MAP4: variants seen among roughly 807,000 people sequenced by gnomAD.
The protein encoded by MAP4 is microtubule-associated protein 4.
In MAP4, 76 loss-of-function variants were observed where a neutral mutation model predicts 170.2. That is an observed-to-expected ratio of 0.45 (90% confidence interval 0.37 to 0.54). The LOEUF (loss-of-function observed/expected upper bound fraction) is 0.54. Ranked by LOEUF, MAP4 falls within the 20% of genes least tolerant of loss-of-function variation. The pLI, the probability that MAP4 is intolerant of heterozygous loss-of-function variation, is 0.00. For missense variants in MAP4, 2,506 were observed against 2,748.0 expected, an observed-to-expected ratio of 0.91 and a Z score of 1.97; for synonymous variants, 909 against 994.5, an observed-to-expected ratio of 0.91 and a Z score of 1.62.
intron 1 of MAP4, among the ~76,000 whole-genome samples, chr3:48,037,479 G>A (rs1282379539): frequency 3.3e-5 from 5 of 152,082 alleles, no homozygotes; most frequent in Middle Eastern, 3.4e-3. Context: ...CTGCAGCCTC[G>A]ATCTCCTGAG....
Position 47,914,773 on chromosome 3 carries a change from C to T in MAP4, c.1999+44G>A, listed in dbSNP as rs1462376765. 3 of 1,612,112 alleles carry T rather than the reference C, an allele frequency of 1.9e-6. No homozygotes were observed. The South Asian group carries it at 3.3e-5, about 18-fold the overall frequency. On this transcript the variant is annotated intron_variant, in intron 8 of 20. Coordinates refer to ENST00000683076, the MANE Select transcript of MAP4 (RefSeq NM_001385682.1). ...AATGTCTACCATCACTACTCTATCG[C>T]CCCTAATTTGTTTCAAAGAGTTCAT...
chr3:47,924,983 TG>T (rs1319522686), intron 4 of MAP4, among the ~76,000 whole-genome samples: 3 of 152,100 alleles, frequency 2.0e-5, no homozygotes, highest in African/African-American at 7.2e-5. Flanking sequence ...GCTAATTTTT[TG>T]TATTTTTAGG....
At chr3:48,051,092 C>CCACACACACA (rs145028487) in intron 1 of MAP4, among the ~76,000 whole-genome samples, 101 of 144,018 alleles carry the variant, frequency 7.0e-4, no homozygotes, top group Non-Finnish European at 1.0e-3. Context: ...CATTCAATTT[C>CCACACACACA]CACACACACA....
At position 47,911,945 on chromosome 3, in the gene MAP4, C is replaced by T. The variant is rs1481572610; in HGVS notation, c.2476G>A (p.Val826Ile). The T allele has an allele frequency of 2.6e-6, 4 of 1,536,102 alleles. No homozygotes were observed. The highest frequency in any genetic ancestry group is 1.2e-5 in the South Asian group (1 of 84,056). Residue 826 changes from valine to isoleucine, a missense_variant, in exon 9 of 21, where the codon GTA becomes ATA. Physicochemically the swap from Val to Ile is conservative, Grantham distance 29. Transcript: ENST00000683076. This position sits in a 1 kb window ranked among gnomAD's most constrained non-coding sequence, Gnocchi z 4.0. The part of the protein sequence containing the change: ...PTTMGTEYGL[V>I]SGENLKRECL... ...TCCCTTTTCAAGTTTTCTCCAGATA[C>T]AAGTCCATATTCTGTACCCATAGTG...
At chr3:48,088,726 T>C (rs1342851111) in intron 1 of MAP4, 1 of 151,902 alleles carries the variant, frequency 6.6e-6, no homozygotes, top group East Asian at 1.9e-4. Context: ...CCCGGGACAG[T>C]GAGGAGGCCG....
At chr3:48,087,228 T>C (rs1046084317) in intron 1 of MAP4, among the ~76,000 whole-genome samples, 4 of 152,062 alleles carry the variant, frequency 2.6e-5, no homozygotes, top group African/African-American at 9.7e-5. Flanking sequence ...ATCTTTGGAG[T>C]TGAGAAAAGC....
intron 3 of MAP4, among the ~76,000 whole-genome samples, chr3:47,947,786 G>A (rs558163552): frequency 3.4e-5 from 5 of 147,378 alleles, no homozygotes; most frequent in Admixed American, 6.8e-5. Context: ...ACTCCAGCCT[G>A]GGCGACAGAG....
chr3:48,062,022 G>C (rs1327153583), intron 1 of MAP4, among the ~76,000 whole-genome samples: 1 of 152,220 alleles, frequency 6.6e-6, no homozygotes, highest in Non-Finnish European at 1.5e-5. Flanking sequence ...ACTGGGAACG[G>C]GCCATGATGA....
At chr3:47,877,649 G>A (rs2095786294) in intron 10 of MAP4, 126 bp from the exon 11 acceptor site, 1 of 607,762 alleles carries the variant, frequency 1.6e-6, no homozygotes, top group Admixed American at 3.0e-5. Flanking sequence ...CCACAGGGTT[G>A]TGCTGCTGAA....
At chr3:47,983,421 C>T (rs1044592109) in intron 2 of MAP4, among the ~76,000 whole-genome samples, 2 of 152,074 alleles carry the variant, frequency 1.3e-5, no homozygotes, top group Non-Finnish European at 2.9e-5. Context: ...GAGTCTCCCT[C>T]TGTCACCCAG....
chr3:47,994,139 T>A (rs1426056455), intron 2 of MAP4, among the ~76,000 whole-genome samples: 1 of 152,156 alleles, frequency 6.6e-6, no homozygotes, highest in Non-Finnish European at 1.5e-5. Context: ...CTTCATTTCT[T>A]CATTTTTCTT....
chr3:48,067,823 A>G (rs928625750), intron 1 of MAP4, among the ~76,000 whole-genome samples: 2 of 152,024 alleles, frequency 1.3e-5, no homozygotes, highest in Admixed American at 1.3e-4. Context: ...TATTTTTAGT[A>G]GAGATGGGGT....
chr3:48,019,468 G>A (rs1274307065), upstream of MAP4, among the ~76,000 whole-genome samples: 1 of 152,124 alleles, frequency 6.6e-6, no homozygotes, highest in Non-Finnish European at 1.5e-5. Flanking sequence ...TCATATATCT[G>A]TCAGAAAGTA....
chr3:48,065,928 G>A (rs1165101401), intron 1 of MAP4, among the ~76,000 whole-genome samples: 1 of 151,858 alleles, frequency 6.6e-6, no homozygotes, highest in African/African-American at 2.4e-5. Flanking sequence ...AGACAAGCAT[G>A]GGCAACATAG....
chr3:47,928,509 G>A (rs974856503), intron 3 of MAP4, among the ~76,000 whole-genome samples, 159 bp from the exon 4 acceptor site: 1 of 152,132 alleles, frequency 6.6e-6, no homozygotes, highest in Non-Finnish European at 1.5e-5. Context: ...AAAGATAAAA[G>A]GAGCTGGGTG....
At chr3:47,975,839 G>A (rs2100081782) in intron 3 of MAP4, among the ~76,000 whole-genome samples, 1 of 151,442 alleles carries the variant, frequency 6.6e-6, no homozygotes, top group South Asian at 2.1e-4. Context: ...GACCAGGCTG[G>A]AGTGCAGTGG....
intron 1 of MAP4, among the ~76,000 whole-genome samples, chr3:48,030,566 A>G (rs1266759945): frequency 1.3e-5 from 2 of 152,012 alleles, no homozygotes; most frequent in Non-Finnish European, 2.9e-5. Context: ...TGGGAGGCCA[A>G]GGCAGGCAGA....
intron 1 of MAP4, among the ~76,000 whole-genome samples, chr3:48,084,044 A>T (rs1182335016): frequency 3.3e-5 from 5 of 151,856 alleles, no homozygotes; most frequent in African/African-American, 7.3e-5. Context: ...TAACTTTTTT[A>T]ACCTATAAAT....
intron 1 of MAP4, among the ~76,000 whole-genome samples, chr3:48,042,727 C>T (rs923515013): frequency 6.6e-6 from 1 of 152,046 alleles, no homozygotes; most frequent in African/African-American, 2.4e-5. Context: ...AACAGAGTTA[C>T]CATATGAAAG....
Sources: allele counts gnomAD v4.1 joint callset (sites outside exome capture counted in the v4.1 genomes callset), GRCh38; gene constraint gnomAD v4.1.1; non-coding constraint Gnocchi (gnomAD v3.1); transcripts MANE v1.5; gene names NCBI Gene and HGNC (gene_info 2026-07-23, HGNC 2026-07-21).